Variants in CDC42BPA observed in about 807,000 individuals in gnomAD.
The protein encoded by CDC42BPA is CDC42 binding protein kinase alpha, also known as serine/threonine-protein kinase MRCK alpha.
CDC42BPA carries 80 observed loss-of-function variants against 223.5 expected under a neutral mutation model. That is an observed-to-expected ratio of 0.36 (90% CI 0.30 to 0.43). CDC42BPA has a LOEUF of 0.43. Among genes scored for constraint, CDC42BPA ranks in the 20% least tolerant of loss-of-function variants. The pLI is 1.00. For missense variants in CDC42BPA, 1,743 were observed against 2,099.9 expected, an observed-to-expected ratio of 0.83 and a Z score of 3.32; for synonymous variants, 694 against 718.6, an observed-to-expected ratio of 0.97 and a Z score of 0.55.
chr1:227,156,596 T>C (rs1662863560), intron 6 of CDC42BPA, among the ~76,000 whole-genome samples: 1 of 152,132 alleles, frequency 6.6e-6, no homozygotes, highest in Non-Finnish European at 1.5e-5. Context: ...ATTATCCTAT[T>C]GTCCAGAAAA....
intron 1 of CDC42BPA, among the ~76,000 whole-genome samples, chr1:227,271,013 A>G (rs1244159393): frequency 6.6e-6 from 1 of 152,108 alleles, no homozygotes; most frequent in Non-Finnish European, 1.5e-5. Flanking sequence ...TTTTTTGGCT[A>G]TTGTGAGTGG....
At chr1:227,170,206 C>T (rs1188187553) in intron 5 of CDC42BPA, among the ~76,000 whole-genome samples, 2 of 152,064 alleles carry the variant, frequency 1.3e-5, no homozygotes, top group Admixed American at 6.5e-5. Flanking sequence ...TCTAGAGACA[C>T]TTGCTCTAGA....
chr1:227,286,089 A>ACT (rs1688758678), intron 1 of CDC42BPA, among the ~76,000 whole-genome samples: 1 of 151,784 alleles, frequency 6.6e-6, no homozygotes, highest in East Asian at 1.9e-4. Context: ...TCATCATGCT[A>ACT]CTCTCTCTAG....
At chr1:227,041,365 G>A (rs1348266845) in intron 23 of CDC42BPA, among the ~76,000 whole-genome samples, 2 of 151,976 alleles carry the variant, frequency 1.3e-5, no homozygotes, top group East Asian at 1.9e-4. Flanking sequence ...GGTACCCAAT[G>A]TTATTTGAAT....
chr1:227,139,846 G>A, intron 9 of CDC42BPA, 104 bp from the exon 10 acceptor site: 1 of 558,638 alleles, frequency 1.8e-6, no homozygotes, highest in Non-Finnish European at 2.8e-6. Context: ...CACATTTATG[G>A]CAAAAACATT....
chr1:227,053,729 C>T (rs968356645), intron 21 of CDC42BPA, among the ~76,000 whole-genome samples: 1 of 151,860 alleles, frequency 6.6e-6, no homozygotes, highest in African/African-American at 2.4e-5. Context: ...TAAATTTTGA[C>T]CAGGAAAAGA....
chr1:227,099,445 TA>T (rs1379025034), intron 15 of CDC42BPA, among the ~76,000 whole-genome samples: 4 of 151,846 alleles, frequency 2.6e-5, no homozygotes, highest in Admixed American at 6.6e-5. Flanking sequence ...GTACCCTTTT[TA>T]AAAAAAATCT....
chr1:227,017,081 T>C (rs1666425781), intron 32 of CDC42BPA, 31 bp from the exon 33 acceptor site: 2 of 1,597,280 alleles, frequency 1.3e-6, no homozygotes, highest in Non-Finnish European at 1.7e-6. Context: ...ACGATAATGA[T>C]GTTCTTTAAA....
chr1:227,170,067 G>A (rs758137369), intron 5 of CDC42BPA, among the ~76,000 whole-genome samples: 3 of 152,158 alleles, frequency 2.0e-5, no homozygotes, highest in Admixed American at 2.0e-4. Flanking sequence ...CCATCAAGAA[G>A]ATTGTCCCTT....
intron 24 of CDC42BPA, among the ~76,000 whole-genome samples, chr1:227,039,563 C>T (rs1186112455): frequency 6.6e-6 from 1 of 152,110 alleles, no homozygotes; most frequent in Non-Finnish European, 1.5e-5. Flanking sequence ...GTTCACATGA[C>T]CCCTGACCCT....
chr1:227,020,901 A>G (rs1667239400), intron 32 of CDC42BPA, among the ~76,000 whole-genome samples: 1 of 152,174 alleles, frequency 6.6e-6, no homozygotes, highest in African/African-American at 2.4e-5. Context: ...TCTTCAGTTG[A>G]ACACTTAAGA....
intron 3 of CDC42BPA, among the ~76,000 whole-genome samples, chr1:227,203,564 A>C (rs1025899933): frequency 5.3e-5 from 8 of 152,236 alleles, no homozygotes; most frequent in Admixed American, 6.5e-5. Flanking sequence ...ACCTTTTTTA[A>C]AAAAAACTAA....
At chr1:227,065,618 T>C (rs1676883384) in intron 21 of CDC42BPA, among the ~76,000 whole-genome samples, 1 of 152,080 alleles carries the variant, frequency 6.6e-6, no homozygotes, top group African/African-American at 2.4e-5. Context: ...AGGCAAAACA[T>C]GTGGAGGAAA....
chr1:227,005,041 C>G lies in CDC42BPA; in HGVS notation c.4928G>C (p.Arg1643Pro), dbSNP rs768760090. The G allele has an allele frequency of 6.2e-7, 1 of 1,614,076 alleles. No homozygotes were observed. Among genetic ancestry groups the G allele is most frequent in the Non-Finnish European group, 8.5e-7 (1 of 1,179,996 alleles). The change falls in exon 35 of 37, where the codon CGC (arginine) becomes CCC (proline). Residue 1643 changes from arginine to proline, a missense_variant. Arg to Pro is a moderately radical substitution (Grantham distance 103, BLOSUM62 -2). This residue lies in a region of CDC42BPA where 200 missense variants were observed against 192.8 expected (regional missense o/e 1.04). Coordinates refer to ENST00000366766, the MANE Select transcript of CDC42BPA (RefSeq NM_001394014.1). ...ACTCATGGAGCGGCCTGGCTCAGGGCGGGATTTGGTGATAGATGGAATACT... is the reference window on the plus strand; with the variant it reads ...ACTCATGGAGCGGCCTGGCTCAGGGGGGGATTTGGTGATAGATGGAATACT... ...SVSIPSITKS[R>P]PEPGRSMSAS...
intron 31 of CDC42BPA, among the ~76,000 whole-genome samples, chr1:227,023,776 T>C (rs1468275553): frequency 6.6e-6 from 1 of 152,188 alleles, no homozygotes; most frequent in Non-Finnish European, 1.5e-5. Flanking sequence ...ATTGAGCAAC[T>C]GGTTATACGG....
At chr1:227,104,481 C>T (rs1685562831) in intron 14 of CDC42BPA, among the ~76,000 whole-genome samples, 1 of 152,162 alleles carries the variant, frequency 6.6e-6, no homozygotes, top group South Asian at 2.1e-4. Context: ...TCTTGAACTA[C>T]TTAAAATCAT....
chr1:227,139,729 G>A lies in CDC42BPA; in HGVS notation c.1237C>T (p.Arg413Trp), dbSNP rs1437585356. 3 of 1,541,628 alleles carry A rather than the reference G, an allele frequency of 1.9e-6. No individual in the cohort carries two copies. The highest frequency in any genetic ancestry group is 1.3e-5 in the South Asian group (1 of 75,446). ...CCAGCCGTAACTCTTAAACAGCTCC[G>A]ATCAGAAAGTACACTGAAGAAAAGA... ...TYTSSCVLSD[R>W]SCLRVTAGPT... The change falls in exon 10 of 37, where the codon CGG becomes TGG. Residue 413 changes from arginine to tryptophan, a missense_variant. Arg to Trp is a moderately radical substitution (Grantham distance 101). Coordinates refer to ENST00000366766, the MANE Select transcript of CDC42BPA (RefSeq NM_001394014.1).
chr1:227,057,216 C>T (rs1167206194), intron 21 of CDC42BPA, among the ~76,000 whole-genome samples: 1 of 152,042 alleles, frequency 6.6e-6, no homozygotes, highest in Non-Finnish European at 1.5e-5. Flanking sequence ...ATTAACAATA[C>T]TATCAATAAA....
chr1:227,149,109 G>A (rs1661262944), intron 6 of CDC42BPA, among the ~76,000 whole-genome samples: 1 of 152,160 alleles, frequency 6.6e-6, no homozygotes, highest in Non-Finnish European at 1.5e-5. Flanking sequence ...AACGTATACT[G>A]TAAGAAAAAC....
Sources: allele counts gnomAD v4.1 joint callset (sites outside exome capture counted in the v4.1 genomes callset), GRCh38; gene constraint gnomAD v4.1.1; regional missense constraint gnomAD v4.1.1; transcripts MANE v1.5; gene names NCBI Gene and HGNC (gene_info 2026-07-23, HGNC 2026-07-21).